The following DLGAP1 variants were observed in gnomAD, a reference collection of about 807,000 sequenced individuals.
The protein encoded by DLGAP1 is DLG associated protein 1.
Under a neutral mutation model 90.8 loss-of-function variants are expected in DLGAP1, and 11 were observed. The observed-to-expected ratio is 0.12, with a 90% confidence interval of 0.08 to 0.20. The LOEUF is 0.20. Among genes scored for constraint, DLGAP1 ranks in the 10% least tolerant of loss-of-function variants. The pLI is 1.00. For missense variants in DLGAP1, 1,050 were observed against 1,333.8 expected, an observed-to-expected ratio of 0.79 and a Z score of 3.31; for synonymous variants, 558 against 540.7, an observed-to-expected ratio of 1.03 and a Z score of -0.44.
chr18:3,695,719 G>T (rs549648066), intron 7 of DLGAP1, among the ~76,000 whole-genome samples: 1 of 152,286 alleles, frequency 6.6e-6, no homozygotes, highest in East Asian at 1.9e-4. Context: ...ATTTAAAATA[G>T]TTTTTTCTAA....
chr18:4,222,603 A>C (rs2078099321), intron 1 of DLGAP1, among the ~76,000 whole-genome samples: 1 of 152,200 alleles, frequency 6.6e-6, no homozygotes, highest in African/African-American at 2.4e-5. Flanking sequence ...ATCAACTTAG[A>C]ATAGTATATT....
intron 10 of DLGAP1, among the ~76,000 whole-genome samples, chr18:3,523,605 T>G (rs536238691): frequency 1.3e-5 from 2 of 151,830 alleles, no homozygotes; most frequent in South Asian, 2.1e-4. Context: ...CCCAGCACTT[T>G]GGGAGGCCAA....
At chr18:4,094,049 T>C (rs1365716211) in intron 2 of DLGAP1, among the ~76,000 whole-genome samples, 1 of 152,248 alleles carries the variant, frequency 6.6e-6, no homozygotes, top group Non-Finnish European at 1.5e-5. Flanking sequence ...TCATTGTTGT[T>C]AGGATTCTTC....
intron 4 of DLGAP1, among the ~76,000 whole-genome samples, chr18:3,846,514 T>C (rs2069022875): frequency 6.6e-6 from 1 of 152,156 alleles, no homozygotes; most frequent in Non-Finnish European, 1.5e-5. Flanking sequence ...CACAGCACCA[T>C]TATTCACAAT....
At chr18:4,081,776 C>T (rs73384710) in intron 2 of DLGAP1, among the ~76,000 whole-genome samples, 5,206 of 152,328 alleles carry the variant, frequency 0.034, 295 homozygotes, top group African/African-American at 0.12. Flanking sequence ...CATTTAGCAG[C>T]TGTTGTCTGC....
chr18:3,992,963 T>C (rs1349114562), intron 3 of DLGAP1: 1 of 152,128 alleles, frequency 6.6e-6, no homozygotes, highest in African/African-American at 2.4e-5. Context: ...ATTTTGCTCT[T>C]AACAGTTAAG....
At chr18:3,619,865 G>A (rs2058032873) in intron 7 of DLGAP1, among the ~76,000 whole-genome samples, 2 of 150,752 alleles carry the variant, frequency 1.3e-5, no homozygotes, top group Admixed American at 1.3e-4. Context: ...AAGTGCAGTG[G>A]CTACTCATAG....
chr18:4,244,638 C>T (rs552596301), intron 1 of DLGAP1, among the ~76,000 whole-genome samples: 10 of 152,212 alleles, frequency 6.6e-5, no homozygotes, highest in Middle Eastern at 3.4e-3. Context: ...GTTCCCCTCC[C>T]GAGCCCAAAT....
intron 1 of DLGAP1, among the ~76,000 whole-genome samples, chr18:4,279,961 T>A (rs932017192): frequency 6.6e-6 from 1 of 152,204 alleles, no homozygotes; most frequent in African/African-American, 2.4e-5. Flanking sequence ...TAAATCATAG[T>A]GTACCCAATT....
At chr18:3,505,637 TAAAAAAAAAA>T in intron 11 of DLGAP1, among the ~76,000 whole-genome samples, 1 of 87,690 alleles carries the variant, frequency 1.1e-5, no homozygotes, top group South Asian at 4.5e-4. Flanking sequence ...AGACTCCCTC[TAAAAAAAAAA>T]AAAAAAAAAA....
intron 2 of DLGAP1, among the ~76,000 whole-genome samples, chr18:4,126,973 C>A (rs2076241953): frequency 6.6e-6 from 1 of 152,208 alleles, no homozygotes; most frequent in African/African-American, 2.4e-5. Context: ...TCCTTCACTT[C>A]ATTTATAGCA....
chr18:4,312,465 A>C (rs2143473968), intron 1 of DLGAP1, among the ~76,000 whole-genome samples: 1 of 152,294 alleles, frequency 6.6e-6, no homozygotes, highest in South Asian at 2.1e-4. Flanking sequence ...ACCCCACCAT[A>C]AGTGGAAGAG....
chr18:3,832,141 GCA>G (rs2068064171), intron 4 of DLGAP1, among the ~76,000 whole-genome samples: 1 of 152,150 alleles, frequency 6.6e-6, no homozygotes, highest in Non-Finnish European at 1.5e-5. Flanking sequence ...ACCCATGCAT[GCA>G]CACTCCATTA....
chr18:3,986,023 C>G (rs1442520943), intron 3 of DLGAP1: 1 of 152,172 alleles, frequency 6.6e-6, no homozygotes, highest in Non-Finnish European at 1.5e-5. Flanking sequence ...ATATGCTTTG[C>G]TTGTTCTTAT....
intron 9 of DLGAP1, among the ~76,000 whole-genome samples, chr18:3,535,663 G>C (rs576018123): frequency 3.4e-5 from 5 of 148,978 alleles, no homozygotes; most frequent in Non-Finnish European, 7.4e-5. Flanking sequence ...AGCTGAGATC[G>C]CACCACTGCA....
chr18:3,675,262 G>A (rs1203118195), intron 7 of DLGAP1, among the ~76,000 whole-genome samples: 1 of 152,162 alleles, frequency 6.6e-6, no homozygotes, highest in Non-Finnish European at 1.5e-5. Flanking sequence ...GTAGAGACGG[G>A]ATTTCACTAT....
chr18:3,883,712 A>G (rs1017986889), intron 3 of DLGAP1, among the ~76,000 whole-genome samples: 13 of 152,388 alleles, frequency 8.5e-5, no homozygotes, highest in South Asian at 2.1e-4. Context: ...GGCAAAGGCC[A>G]GGCTGGGCAA....
intron 9 of DLGAP1, among the ~76,000 whole-genome samples, chr18:3,564,420 C>T (rs901847836): frequency 6.6e-6 from 1 of 152,144 alleles, no homozygotes; most frequent in Admixed American, 6.6e-5. Context: ...TTTCCTTCCC[C>T]CAGGTAGGTT....
intron 2 of DLGAP1, among the ~76,000 whole-genome samples, chr18:4,056,232 C>T (rs184816455): frequency 7.4e-4 from 113 of 152,238 alleles, no homozygotes; most frequent in Middle Eastern, 6.8e-3. Flanking sequence ...TGAGGATCCT[C>T]GTACTGCAAG....
Sources: gnomAD v4.1 joint callset for allele counts (sites outside exome capture counted in the v4.1 genomes callset) on GRCh38, gnomAD v4.1.1 for gene constraint, MANE v1.5 for transcripts, NCBI Gene and HGNC (gene_info 2026-07-23, HGNC 2026-07-21) for gene names.